Variants in TRIM32 observed in about 807,000 individuals in gnomAD.
TRIM32 encodes tripartite motif containing 32.
A neutral mutation model predicts 36.0 loss-of-function variants in TRIM32; 19 were observed. That is an observed-to-expected ratio of 0.53 (90% CI 0.37 to 0.77). TRIM32 has a LOEUF of 0.77. TRIM32 is among the 30% of genes least tolerant of loss of function. TRIM32 has a pLI of 0.00. For missense variants in TRIM32, 747 were observed against 845.2 expected (o/e 0.88, Z 1.44); for synonymous variants, 309 against 318.5 (o/e 0.97, Z 0.32).
chr9:116,693,675 G>A (rs1860688270), intron 1 of TRIM32, among the ~76,000 whole-genome samples: 1 of 152,216 alleles, frequency 6.6e-6, no homozygotes, highest in Non-Finnish European at 1.5e-5. Flanking sequence ...GGATCATGAA[G>A]GGAGCCAAGA....
rs751028044 is a variant in TRIM32 at position 116,697,921 on chromosome 9, G to A, written c.179G>A (p.Arg60His). Residue 60 changes from arginine to histidine, a missense_variant, in exon 2 of 2, where the codon CGC becomes CAC. Physicochemically the swap from Arg to His is conservative, Grantham distance 29. Coordinates refer to ENST00000450136, the MANE Select transcript of TRIM32 (RefSeq NM_012210.4). Reference sequence around the variant, plus strand: ...TTGGCCAGTAGCATCAATGGTGTCCGCTGTCCCTTTTGCAGCAAGATTACC... The same window carrying A: ...TTGGCCAGTAGCATCAATGGTGTCCACTGTCCCTTTTGCAGCAAGATTACC... ...KLLASSINGV[R>H]CPFCSKITRI... 2.1e-5 allele frequency: 34 copies of A among 1,614,066 alleles called. No homozygotes were observed. The highest frequency in any genetic ancestry group is 5.5e-5 in the South Asian group (5 of 91,084).
At chr9:116,696,316 G>A (rs940074102) in intron 1 of TRIM32, among the ~76,000 whole-genome samples, 4 of 152,034 alleles carry the variant, frequency 2.6e-5, no homozygotes, top group African/African-American at 9.7e-5. Context: ...CTTTTTTGGT[G>A]CAGAGCCAAA....
In TRIM32 at chr9:116,699,925, AGGAC is replaced by A; in HGVS notation, c.*222_*225del. Reference sequence around the variant, plus strand: ...GCTTTAAAAGATGCACTGCCCAAATAGGACACACGATGGTGTTAGCTGAAGTTTG... The same window carrying A: ...GCTTTAAAAGATGCACTGCCCAAATAACACGATGGTGTTAGCTGAAGTTTG... On this transcript the variant is annotated 3_prime_UTR_variant, in exon 2 of 2. Transcript: ENST00000450136. The surrounding 1 kb of genome is among the most constrained non-coding windows in gnomAD (Gnocchi z 4.2). 1 of 649,970 alleles carries A rather than the reference AGGAC, an allele frequency of 1.5e-6. No individual in the cohort carries two copies. The highest frequency in any genetic ancestry group is 2.7e-6 in the Non-Finnish European group (1 of 372,050). 40.3% of individuals were successfully genotyped at this position (649,970 alleles called of 1,614,324 possible).
chr9:116,694,802 C>G lies in TRIM32; in HGVS notation c.-81-2860C>G, dbSNP rs550931339. On this transcript the variant is annotated intron_variant, in intron 1 of 1. Coordinates refer to ENST00000450136, the MANE Select transcript of TRIM32 (RefSeq NM_012210.4). ...TGTAATTTCTATCAGTATGTCTATG[C>G]TATTGCCCCTAGACACTTGGCATTT... 2.0e-5 allele frequency among the ~76,000 whole-genome samples: 3 copies of G among 152,076 alleles called. No individual in the cohort carries two copies. In the South Asian group the frequency reaches 6.2e-4, roughly 32 times the overall value.
chr9:116,696,129 A>G (rs1860838516), intron 1 of TRIM32, among the ~76,000 whole-genome samples: 1 of 152,136 alleles, frequency 6.6e-6, no homozygotes, highest in South Asian at 2.1e-4. Flanking sequence ...GCTTCAAAAC[A>G]TTCATCACCT....
At chr9:116,696,277 TA>T (rs1860847696) in intron 1 of TRIM32, among the ~76,000 whole-genome samples, 1 of 152,182 alleles carries the variant, frequency 6.6e-6, no homozygotes, top group Non-Finnish European at 1.5e-5. Flanking sequence ...CTAAGGATAA[TA>T]AAAAAGAGAA....
chr9:116,694,201 A>G (rs1293548316), intron 1 of TRIM32, among the ~76,000 whole-genome samples: 2 of 152,124 alleles, frequency 1.3e-5, no homozygotes, highest in Non-Finnish European at 2.9e-5. Flanking sequence ...AAGCTTTTCA[A>G]TTGAAGGAGG....
At chr9:116,696,534 C>T (rs1195950882) in intron 1 of TRIM32, among the ~76,000 whole-genome samples, 1 of 152,148 alleles carries the variant, frequency 6.6e-6, no homozygotes, top group African/African-American at 2.4e-5. Flanking sequence ...TTTCTTCCCT[C>T]TCCATGTATT....
intron 1 of TRIM32, among the ~76,000 whole-genome samples, chr9:116,696,616 GACTCCTC>G (rs1477152376): frequency 1.2e-4 from 18 of 152,154 alleles, no homozygotes; most frequent in South Asian, 4.1e-4. Context: ...AGATTGGAAT[GACTCCTC>G]AACCCCCATC....
intron 1 of TRIM32, among the ~76,000 whole-genome samples, chr9:116,689,038 A>G (rs1860428683): frequency 6.6e-6 from 1 of 152,126 alleles, no homozygotes; most frequent in Admixed American, 6.5e-5. Context: ...TACTGGCCTC[A>G]AGTGGGTAGA....
chr9:116,694,436 A>G (rs1860729515), intron 1 of TRIM32, among the ~76,000 whole-genome samples: 1 of 148,032 alleles, frequency 6.8e-6, no homozygotes, highest in Non-Finnish European at 1.5e-5. Context: ...GAAGGGTTGC[A>G]TGGATCCTGA....
Position 116,698,455 on chromosome 9 carries a change from G to T in TRIM32, c.713G>T (p.Arg238Leu), listed in dbSNP as rs564290779. 9 of 1,613,994 alleles carry T rather than the reference G, an allele frequency of 5.6e-6. No homozygotes were observed. The South Asian group carries it at 7.7e-5, about 14-fold the overall frequency. ...ATTGCAGAGGTGCAGGCTGTGTCTC[G>T]CTGTGACTACTTCCTGGCCAAGATC... ...LNIAEVQAVSRCDYFLAKIKQ... is the reference protein window; with the variant it reads ...LNIAEVQAVSLCDYFLAKIKQ... The change falls in exon 2 of 2, where the codon CGC (arginine) becomes CTC (leucine). Residue 238 changes from arginine to leucine, a missense_variant. Physicochemically the swap from Arg to Leu is moderately radical, Grantham distance 102. Transcript: ENST00000450136. The surrounding 1 kb of genome is among the most constrained non-coding windows in gnomAD (Gnocchi z 4.4).
Position 116,699,550 on chromosome 9 carries a change from C to G in TRIM32, c.1808C>G (p.Pro603Arg). 1.2e-6 allele frequency: 2 copies of G among 1,614,156 alleles called. No individual in the cohort carries two copies. The highest frequency in any genetic ancestry group is 1.7e-6 in the Non-Finnish European group (2 of 1,180,034). ...AGTCGCAAGGAAATTCTCCATTTTC[C>G]TAAGGGTGGGGGCTATAGTGTCCTT... Reference protein sequence around the residue: ...DSSRKEILHFPKGGGYSVLIR... With the variant: ...DSSRKEILHFRKGGGYSVLIR... The change falls in exon 2 of 2, where the codon CCT becomes CGT. Residue 603 changes from proline (P) to arginine (R), a missense_variant. Transcript: ENST00000450136. This position sits in a 1 kb window ranked among gnomAD's most constrained non-coding sequence, Gnocchi z 4.2.
Position 116,699,468 on chromosome 9 carries a change from C to T in TRIM32, c.1726C>T (p.Arg576Cys), listed in dbSNP as rs747829781. 11 of 1,614,184 alleles carry T rather than the reference C, an allele frequency of 6.8e-6. No homozygotes were observed. The highest frequency in any genetic ancestry group is 2.2e-5 in the South Asian group (2 of 91,072). The change falls in exon 2 of 2, where the codon CGC becomes TGC. Residue 576 changes from arginine to cysteine, a missense_variant. Physicochemically the swap from Arg to Cys is radical, Grantham distance 180. Coordinates refer to ENST00000450136, the MANE Select transcript of TRIM32 (RefSeq NM_012210.4). This position sits in a 1 kb window ranked among gnomAD's most constrained non-coding sequence, Gnocchi z 4.2. ...CTTCTTCTCGGAGAATGAGGATTTC[C>T]GCTGCATTGCTGGCATGTGTGTGGA... ...SHFFSENEDF[R>C]CIAGMCVDAR...
chr9:116,697,761 T>C lies in TRIM32; in HGVS notation c.19T>C (p.Ser7Pro). Residue 7 changes from serine (S) to proline (P), a missense_variant, in exon 2 of 2, where the codon TCT becomes CCT. By Grantham distance (74) the Ser-to-Pro change is moderately conservative. Coordinates refer to ENST00000450136, the MANE Select transcript of TRIM32 (RefSeq NM_012210.4). ...AAGAGCAATGGCTGCAGCAGCAGCTTCTCACCTGAACCTGGATGCCCTCCG... is the reference window on the plus strand; with the variant it reads ...AAGAGCAATGGCTGCAGCAGCAGCTCCTCACCTGAACCTGGATGCCCTCCG... The part of the protein sequence containing the change: MAAAAA[S>P]HLNLDALREV... The C allele has an allele frequency of 6.2e-7, 1 of 1,614,082 alleles. No individual in the cohort carries two copies. Among genetic ancestry groups the C allele is most frequent in the Non-Finnish European group, 8.5e-7 (1 of 1,180,034 alleles).
chr9:116,699,424 T>A lies in TRIM32; in HGVS notation c.1682T>A (p.Leu561Gln), dbSNP rs757432259. The A allele has an allele frequency of 1.2e-6, 2 of 1,614,032 alleles. No homozygotes were observed. Among genetic ancestry groups the A allele is most frequent in the African/African-American group, 2.7e-5 (2 of 74,914 alleles). ...SIGSVGPDGQ[L>Q]GRQISHFFSE... ...GGCTCTGTAGGCCCTGATGGGCAGC[T>A]GGGTCGCCAGATTAGCCACTTCTTC... Residue 561 changes from leucine to glutamine, a missense_variant, in exon 2 of 2, where the codon CTG becomes CAG. Physicochemically the swap from Leu to Gln is moderately radical, Grantham distance 113. Transcript: ENST00000450136. This position sits in a 1 kb window ranked among gnomAD's most constrained non-coding sequence, Gnocchi z 4.2.
rs1356834889 is a variant in TRIM32, at chr9:116,700,278, T to C, written c.*574T>C. 1 of 170,812 alleles carries C rather than the reference T, an allele frequency of 5.9e-6. No homozygotes were observed. Among genetic ancestry groups the C allele is most frequent in the East Asian group, 1.9e-4 (1 of 5,296 alleles). The allele number at this position is 170,812 out of a possible 1,614,324, so 10.6% of individuals were successfully genotyped here. The stretch of plus-strand genomic sequence containing the variant: ...ATTCATTTAGTGCTACCAAAGGGGA[T>C]ACACAAGCCCTTTAGGAAGCAGTAC... On this transcript the variant is annotated 3_prime_UTR_variant, in exon 2 of 2. Transcript: ENST00000450136.
At chr9:116,692,676 T>G (rs1860631547) in intron 1 of TRIM32, among the ~76,000 whole-genome samples, 2 of 152,194 alleles carry the variant, frequency 1.3e-5, no homozygotes, top group South Asian at 4.1e-4. Flanking sequence ...CACTCCTAGT[T>G]CGTGTCTTTT....
chr9:116,697,292 T>G (rs1287568892), intron 1 of TRIM32: 1 of 204,892 alleles, frequency 4.9e-6, no homozygotes, highest in Non-Finnish European at 1.0e-5. Flanking sequence ...GGTGCTATAC[T>G]AAGCACATCA....
Sources: allele counts gnomAD v4.1 joint callset (sites outside exome capture counted in the v4.1 genomes callset), GRCh38; gene constraint gnomAD v4.1.1; non-coding constraint Gnocchi (gnomAD v3.1); transcripts MANE v1.5; gene names NCBI Gene and HGNC (gene_info 2026-07-23, HGNC 2026-07-21).